MROH9: variants seen among roughly 807,000 people sequenced by gnomAD.
MROH9 encodes maestro heat-like repeat-containing protein family member 9.
Under a neutral mutation model 98.2 loss-of-function variants are expected in MROH9, and 92 were observed. The observed-to-expected ratio is 0.94, with a 90% CI of 0.79 to 1.11. The LOEUF (loss-of-function observed/expected upper bound fraction) is 1.11, where lower values mean the gene tolerates loss of function less well. Ranked by LOEUF, MROH9 falls within the 50% of genes most tolerant of loss-of-function variation. The pLI, the probability that MROH9 is intolerant of heterozygous loss-of-function variation, is 0.00. For missense variants in MROH9, 1,057 were observed against 1,014.8 expected (o/e 1.04, Z -0.57); for synonymous variants, 397 against 368.9 (o/e 1.08, Z -0.87).
chr1:171,052,539 T>C (rs552849646), intron 20 of MROH9, among the ~76,000 whole-genome samples: 17 of 152,168 alleles, frequency 1.1e-4, no homozygotes, highest in Non-Finnish European at 2.4e-4. Flanking sequence ...GCGAAGAGAC[T>C]ATCAAGTTGG....
intron 4 of MROH9, among the ~76,000 whole-genome samples, 164 bp downstream of exon 4, chr1:170,958,704 A>G (rs1455606747): frequency 6.6e-6 from 1 of 152,158 alleles, no homozygotes; most frequent in Non-Finnish European, 1.5e-5. Flanking sequence ...GTCTTTTTGT[A>G]TTGCGTAGAC....
At chr1:171,054,855 A>G (rs1417175583) in intron 20 of MROH9, among the ~76,000 whole-genome samples, 1 of 152,162 alleles carries the variant, frequency 6.6e-6, no homozygotes, top group African/African-American at 2.4e-5. Flanking sequence ...AAAAAATCAT[A>G]GATGTTGGTG....
chr1:171,037,583 G>A (rs577282464), intron 20 of MROH9, among the ~76,000 whole-genome samples: 1 of 151,774 alleles, frequency 6.6e-6, no homozygotes, highest in East Asian at 1.9e-4. Flanking sequence ...AATATCCTTA[G>A]GATTTTCTTC....
At chr1:171,013,044 C>A (rs1571502143) in intron 15 of MROH9, among the ~76,000 whole-genome samples, 1 of 152,072 alleles carries the variant, frequency 6.6e-6, no homozygotes, top group East Asian at 1.9e-4. Context: ...TCAAACACAC[C>A]CTGCTTCATA....
chr1:171,057,759 G>A (rs1203738047), intron 20 of MROH9, among the ~76,000 whole-genome samples: 10 of 152,188 alleles, frequency 6.6e-5, no homozygotes, highest in Admixed American at 6.5e-4. Flanking sequence ...ATCAGACGAA[G>A]AGTGGACCAC....
intron 20 of MROH9, among the ~76,000 whole-genome samples, chr1:171,060,667 G>A (rs1270878376): frequency 1.3e-5 from 2 of 152,026 alleles, no homozygotes; most frequent in African/African-American, 4.8e-5. Flanking sequence ...TTCTCTTAAC[G>A]GTGCAGTATC....
chr1:171,040,626 C>T (rs907102368), intron 20 of MROH9, among the ~76,000 whole-genome samples: 1 of 152,096 alleles, frequency 6.6e-6, no homozygotes, highest in Non-Finnish European at 1.5e-5. Flanking sequence ...ACCCTCTAGC[C>T]ATGTGACCTT....
intron 9 of MROH9, among the ~76,000 whole-genome samples, chr1:170,985,908 C>A (rs1651113535): frequency 6.6e-6 from 1 of 151,896 alleles, no homozygotes; most frequent in Non-Finnish European, 1.5e-5. Context: ...TGAAGAAAAA[C>A]CTTTATTGGT....
intron 15 of MROH9, among the ~76,000 whole-genome samples, chr1:171,001,924 T>A (rs1651797032): frequency 6.6e-6 from 1 of 152,130 alleles, no homozygotes; most frequent in Non-Finnish European, 1.5e-5. Context: ...GGAGCTCTAG[T>A]ATTAGGTGCA....
intron 5 of MROH9, among the ~76,000 whole-genome samples, chr1:170,959,991 A>G (rs1649956207): frequency 6.6e-6 from 1 of 152,248 alleles, no homozygotes; most frequent in African/African-American, 2.4e-5. Flanking sequence ...TCTATAAGCT[A>G]GAGAAGAAAT....
In MROH9 at chr1:170,978,840, C is replaced by T. The variant is rs547265606; in HGVS notation, c.617-4582C>T. On this transcript the variant is annotated intron_variant, in intron 8 of 21. Coordinates refer to ENST00000367759, the MANE Select transcript of MROH9 (RefSeq NM_001163629.2). ...GAATGCTCTGTGCTGGGAATCCAGA[C>T]CAGCCTTTGGTCCCCACAGACTCTC... Among the ~76,000 whole-genome samples the T allele has an allele frequency of 7.9e-5, 12 of 152,202 alleles. No individual in the cohort carries two copies. The East Asian group carries it at 1.9e-3, about 25-fold the overall frequency.
At chr1:171,021,892 A>AAATTT (rs1008754669) in intron 17 of MROH9, among the ~76,000 whole-genome samples, 10 of 146,218 alleles carry the variant, frequency 6.8e-5, no homozygotes, top group African/African-American at 2.7e-4. Flanking sequence ...CAAGAAACTT[A>AAATTT]AATTTACAAG....
intron 9 of MROH9, among the ~76,000 whole-genome samples, chr1:170,984,846 C>T (rs1357645500): frequency 6.6e-6 from 1 of 152,062 alleles, no homozygotes; most frequent in Non-Finnish European, 1.5e-5. Flanking sequence ...TTGGGACTTC[C>T]AGTAGTAGAT....
intron 2 of MROH9, 50 bp downstream of exon 2, chr1:170,945,631 T>C (rs775657720): frequency 2.0e-6 from 3 of 1,510,922 alleles, no homozygotes; most frequent in South Asian, 2.3e-5. Context: ...TTTGTGTATA[T>C]GTGTGTGTAT....
At chr1:170,991,442 T>C (rs952623091) in intron 11 of MROH9, among the ~76,000 whole-genome samples, 2 of 152,110 alleles carry the variant, frequency 1.3e-5, no homozygotes, top group African/African-American at 4.8e-5. Context: ...GGCACCTATA[T>C]GATGAACCTA....
At chr1:170,953,861 A>AAG (rs142129185) in intron 3 of MROH9, among the ~76,000 whole-genome samples, 7 of 135,432 alleles carry the variant, frequency 5.2e-5, no homozygotes, top group Admixed American at 7.7e-5. Flanking sequence ...AAGAGAAAGA[A>AAG]AGAGAGAGAG....
chr1:170,982,685 T>C (rs773612637), intron 8 of MROH9, among the ~76,000 whole-genome samples: 1 of 151,816 alleles, frequency 6.6e-6, no homozygotes, highest in East Asian at 1.9e-4. Flanking sequence ...AGCCCAGGAG[T>C]TGGAGACCAG....
chr1:170,958,691 C>G (rs879529496), intron 4 of MROH9, 151 bp downstream of exon 4: 1 of 525,268 alleles, frequency 1.9e-6, no homozygotes, highest in Non-Finnish European at 3.4e-6. Flanking sequence ...ATACTCTTTC[C>G]CAGTCTTTTT....
intron 3 of MROH9, among the ~76,000 whole-genome samples, chr1:170,956,481 A>G (rs189750600): frequency 6.7e-6 from 1 of 150,298 alleles, no homozygotes; most frequent in East Asian, 2.0e-4. Flanking sequence ...TGTGTCATCT[A>G]TGATTTATTT....
Sources: gnomAD v4.1 joint callset for allele counts (sites outside exome capture counted in the v4.1 genomes callset) on GRCh38, gnomAD v4.1.1 for gene constraint, MANE v1.5 for transcripts, NCBI Gene and HGNC (gene_info 2026-07-23, HGNC 2026-07-21) for gene names.